The following FMNL2 variants were observed in gnomAD, a reference collection of about 807,000 sequenced individuals.
FMNL2 encodes the protein formin-like protein 2.
Under a neutral mutation model 130.2 loss-of-function variants are expected in FMNL2, and 51 were observed. That is an observed-to-expected ratio of 0.39 (90% CI 0.31 to 0.49). FMNL2 has a LOEUF of 0.49. FMNL2 is among the 20% of genes least tolerant of loss of function. The pLI, the probability that FMNL2 is intolerant of heterozygous loss-of-function variation, is 0.85. For missense variants in FMNL2, 977 were observed against 1,316.2 expected (o/e 0.74, Z 3.99); for synonymous variants, 465 against 467.1 (o/e 1.00, Z 0.06).
intron 15 of FMNL2, among the ~76,000 whole-genome samples, chr2:152,624,051 C>A (rs192736366): frequency 3.3e-4 from 1 of 3,048 alleles, no homozygotes; most frequent in Non-Finnish European, 7.3e-4. Context: ...CTTCCCTCCC[C>A]TCCCCTCCCC....
Position 152,638,217 on chromosome 2 carries a change from C to A in FMNL2, c.2946+543C>A, listed in dbSNP as rs554094244. On this transcript the variant is annotated intron_variant, in intron 23 of 25. Transcript: ENST00000288670. ...AGTGGCCCTTCCTTTAAATGGGAGGCCCTCTTGGACATAATCCAGGGCTGT... is the reference window on the plus strand; with the variant it reads ...AGTGGCCCTTCCTTTAAATGGGAGGACCTCTTGGACATAATCCAGGGCTGT... 7.9e-5 allele frequency among the ~76,000 whole-genome samples: 12 copies of A among 152,264 alleles called. No homozygotes were observed. The South Asian group carries it at 2.5e-3, about 32-fold the overall frequency.
In FMNL2 at chr2:152,482,204, C is replaced by A. The variant is rs549811288; in HGVS notation, c.118-39739C>A. On this transcript the variant is annotated intron_variant, in intron 1 of 25. Transcript: ENST00000288670. ...CCAAGGAAGAAATACAAAGCCTTAG[C>A]ATGTGTACTTAAATTAAAAAATACT... Among the ~76,000 whole-genome samples, 3 of 152,278 alleles carry A rather than the reference C, an allele frequency of 2.0e-5. No individual in the cohort carries two copies. The South Asian group carries it at 6.2e-4, about 32-fold the overall frequency.
At chr2:152,572,557 C>T (rs1696232049) in intron 6 of FMNL2, among the ~76,000 whole-genome samples, 1 of 152,088 alleles carries the variant, frequency 6.6e-6, no homozygotes, top group Non-Finnish European at 1.5e-5. Context: ...TGCTTTTAAT[C>T]CCAGCACTTT....
chr2:152,642,716 G>C (rs979752841), intron 25 of FMNL2, among the ~76,000 whole-genome samples: 3 of 152,154 alleles, frequency 2.0e-5, no homozygotes, highest in Non-Finnish European at 4.4e-5. Flanking sequence ...TTAAGAACTT[G>C]GAGTTCCTGG....
At chr2:152,442,015 GT>G (rs1688077978) in intron 1 of FMNL2, among the ~76,000 whole-genome samples, 1 of 152,044 alleles carries the variant, frequency 6.6e-6, no homozygotes, top group African/African-American at 2.4e-5. Context: ...GGCTAGGGGA[GT>G]TTTTTGTGTT....
Position 152,542,611 on chromosome 2 carries a change from T to G in FMNL2, c.202-128T>G, listed in dbSNP as rs569350107. On this transcript the variant is annotated intron_variant, in intron 2 of 25. Coordinates refer to ENST00000288670, the MANE Select transcript of FMNL2 (RefSeq NM_052905.4). ...AAGATGCAAAACAGTTAGTACAAAA[T>G]GACTGCTCGCAGGGCCACATTTATA... 2.6e-4 allele frequency: 217 copies of G among 837,566 alleles called. 7 individuals are homozygous for G. In the South Asian group the frequency reaches 3.3e-3, roughly 13 times the overall value. The allele number at this position is 837,566 out of a possible 1,614,324, so 51.9% of individuals were successfully genotyped here. A position where few individuals can be genotyped will look rare whatever the true frequency, so the allele number is the denominator to read the frequency against.
intron 1 of FMNL2, among the ~76,000 whole-genome samples, chr2:152,384,310 AT>A (rs1426146999): frequency 6.6e-6 from 1 of 152,070 alleles, no homozygotes; most frequent in African/African-American, 2.4e-5. Flanking sequence ...TCCTAAATTT[AT>A]TTTTCTCATG....
chr2:152,514,950 C>T (rs1692680568), intron 1 of FMNL2, among the ~76,000 whole-genome samples: 1 of 152,182 alleles, frequency 6.6e-6, no homozygotes, highest in African/African-American at 2.4e-5. Flanking sequence ...CCACCATCCT[C>T]ATCACCCTCA....
At chr2:152,447,141 C>T (rs116508908) in intron 1 of FMNL2, among the ~76,000 whole-genome samples, 1 of 151,980 alleles carries the variant, frequency 6.6e-6, no homozygotes, top group African/African-American at 2.4e-5. Flanking sequence ...CTTTGTTGCC[C>T]AGGCTGTAGG....
At chr2:152,398,125 G>GA (rs989457834) in intron 1 of FMNL2, among the ~76,000 whole-genome samples, 22 of 151,590 alleles carry the variant, frequency 1.5e-4, no homozygotes, top group African/African-American at 4.1e-4. Context: ...ACTCCATCTC[G>GA]AAAAAAAATA....
At chr2:152,411,899 A>C (rs1686308308) in intron 1 of FMNL2, among the ~76,000 whole-genome samples, 1 of 152,122 alleles carries the variant, frequency 6.6e-6, no homozygotes, top group Admixed American at 6.6e-5. Context: ...ATGAACATTT[A>C]AGTGGGTGGG....
chr2:152,335,344 A>G lies in FMNL2; in HGVS notation c.-260A>G. On this transcript the variant is annotated 5_prime_UTR_variant, in exon 1 of 26. Coordinates refer to ENST00000288670, the MANE Select transcript of FMNL2 (RefSeq NM_052905.4). ...CGGAGCACCATGCACATAGGCGCCC[A>G]GCGCCCCAACTACCCCTCCCGAGGA... 4.5e-6 allele frequency: 1 copy of G among 220,946 alleles called. No homozygotes were observed. Among genetic ancestry groups the G allele is most frequent in the Non-Finnish European group, 8.7e-6 (1 of 114,824 alleles). 13.7% of individuals were successfully genotyped at this position (220,946 alleles called of 1,614,324 possible). A position where few individuals can be genotyped will look rare whatever the true frequency, so the allele number is the denominator to read the frequency against.
intron 9 of FMNL2, among the ~76,000 whole-genome samples, chr2:152,601,438 T>C (rs1477199840): frequency 6.6e-6 from 1 of 151,492 alleles, no homozygotes; most frequent in African/African-American, 2.4e-5. Flanking sequence ...ATAGCTGGGA[T>C]TACAGGCGCC....
chr2:152,606,857 C>G (rs1055778639), intron 9 of FMNL2, among the ~76,000 whole-genome samples: 2 of 151,790 alleles, frequency 1.3e-5, no homozygotes, highest in Admixed American at 6.6e-5. Context: ...GTGTCTATTT[C>G]TGTATTGTAG....
intron 1 of FMNL2, among the ~76,000 whole-genome samples, chr2:152,366,445 A>T (rs201475827): frequency 1.6e-5 from 2 of 127,804 alleles, no homozygotes; most frequent in African/African-American, 3.1e-5. Flanking sequence ...TAATAATAAT[A>T]AAAAAATAAA....
intron 21 of FMNL2, 126 bp from the exon 22 acceptor site, chr2:152,636,301 T>G: frequency 1.1e-6 from 1 of 924,276 alleles, no homozygotes. Flanking sequence ...TGCCAAAAGC[T>G]GGAAGCTAGG....
At chr2:152,510,158 G>A (rs1692416965) in intron 1 of FMNL2, among the ~76,000 whole-genome samples, 1 of 152,174 alleles carries the variant, frequency 6.6e-6, no homozygotes, top group Non-Finnish European at 1.5e-5. Context: ...GACTAAATTT[G>A]ACACTTGCTT....
intron 1 of FMNL2, among the ~76,000 whole-genome samples, chr2:152,373,458 A>G (rs1050084404): frequency 3.3e-5 from 5 of 152,196 alleles, no homozygotes; most frequent in African/African-American, 9.7e-5. Flanking sequence ...GATAGAGATT[A>G]TAGTCATCCC....
Position 152,611,556 on chromosome 2 carries a change from T to C in FMNL2, c.1013T>C (p.Val338Ala), listed in dbSNP as rs770926046. Residue 338 changes from valine (V) to alanine (A), a missense_variant, in exon 11 of 26, where the codon GTT becomes GCT. Transcript: ENST00000288670. ...VHSVEDMNFR[V>A]HLQYEFTKLG... The stretch of plus-strand genomic sequence containing the variant: ...TCAGTAGAAGATATGAATTTCAGAG[T>C]TCACCTGCAGTATGAATTTACCAAA... 1.2e-6 allele frequency: 2 copies of C among 1,604,424 alleles called. No homozygotes were observed. Among genetic ancestry groups the C allele is most frequent in the Non-Finnish European group, 1.7e-6 (2 of 1,174,602 alleles).
Sources: allele counts gnomAD v4.1 joint callset (sites outside exome capture counted in the v4.1 genomes callset), GRCh38; gene constraint gnomAD v4.1.1; transcripts MANE v1.5; gene names NCBI Gene and HGNC (gene_info 2026-07-23, HGNC 2026-07-21).